The following SLC24A3 variants were observed in gnomAD, a reference collection of about 807,000 sequenced individuals.
SLC24A3 encodes solute carrier family 24 member 3.
A neutral mutation model predicts 75.8 loss-of-function variants in SLC24A3; 28 were observed. That is an observed-to-expected ratio of 0.37 (90% confidence interval 0.27 to 0.51). The LOEUF is 0.51. Among genes scored for constraint, SLC24A3 ranks in the 20% least tolerant of loss-of-function variants. The pLI is 0.94. For missense variants in SLC24A3, 663 were observed against 847.8 expected (o/e 0.78, Z 2.71); for synonymous variants, 372 against 334.1 (o/e 1.11, Z -1.24).
intron 3 of SLC24A3, among the ~76,000 whole-genome samples, chr20:19,544,490 G>C (rs577535814): frequency 6.6e-6 from 1 of 152,182 alleles, no homozygotes; most frequent in Admixed American, 6.5e-5. Context: ...TAGCGCTTGT[G>C]TACAGATGTG....
intron 2 of SLC24A3, among the ~76,000 whole-genome samples, chr20:19,338,570 C>T (rs1985192230): frequency 6.6e-6 from 1 of 152,198 alleles, no homozygotes; most frequent in African/African-American, 2.4e-5. Context: ...CATATGATCA[C>T]AATGCCTGTT....
chr20:19,652,266 T>C (rs2032214829), intron 6 of SLC24A3, among the ~76,000 whole-genome samples: 1 of 152,262 alleles, frequency 6.6e-6, no homozygotes, highest in South Asian at 2.1e-4. Context: ...TAATGGTATG[T>C]ACTCAATCTG....
At chr20:19,501,898 C>T (rs1486145370) in intron 2 of SLC24A3, among the ~76,000 whole-genome samples, 1 of 152,044 alleles carries the variant, frequency 6.6e-6, no homozygotes, top group Non-Finnish European at 1.5e-5. Flanking sequence ...TGTTATTTAC[C>T]ACCAGGCCAC....
intron 1 of SLC24A3, among the ~76,000 whole-genome samples, chr20:19,224,161 TACAC>T (rs773073939): frequency 6.6e-6 from 1 of 151,748 alleles, no homozygotes; most frequent in South Asian, 2.1e-4. Flanking sequence ...AGTATTGAGT[TACAC>T]ACAGTTTTAT....
intron 2 of SLC24A3, among the ~76,000 whole-genome samples, chr20:19,305,044 G>A (rs760580017): frequency 2.0e-5 from 3 of 152,204 alleles, no homozygotes; most frequent in East Asian, 1.9e-4. Context: ...GGATATGAGC[G>A]GCTCCCCATG....
chr20:19,386,475 G>A (rs925542853), intron 2 of SLC24A3, among the ~76,000 whole-genome samples: 20 of 152,118 alleles, frequency 1.3e-4, no homozygotes, highest in African/African-American at 4.3e-4. Flanking sequence ...GTGAGAGTGG[G>A]CATCCTTGCC....
chr20:19,607,879 A>G (rs571605619), intron 6 of SLC24A3, among the ~76,000 whole-genome samples: 2 of 152,334 alleles, frequency 1.3e-5, no homozygotes, highest in Admixed American at 6.5e-5. Context: ...GTCACATCCC[A>G]GTAGCCCTTT....
intron 6 of SLC24A3, among the ~76,000 whole-genome samples, chr20:19,618,383 C>T (rs763008124): frequency 3.3e-5 from 5 of 152,192 alleles, no homozygotes; most frequent in East Asian, 3.8e-4. Flanking sequence ...TTGCAGGTGC[C>T]GTCTTCCCCC....
intron 10 of SLC24A3, among the ~76,000 whole-genome samples, chr20:19,682,580 G>C (rs532015497): frequency 6.6e-6 from 1 of 152,228 alleles, no homozygotes; most frequent in Admixed American, 6.5e-5. Flanking sequence ...TTCTGAGATA[G>C]GGTTTTGGTT....
intron 1 of SLC24A3, among the ~76,000 whole-genome samples, chr20:19,235,169 G>C (rs1445394167): frequency 1.3e-5 from 2 of 152,226 alleles, no homozygotes; most frequent in Non-Finnish European, 2.9e-5. Context: ...TGGGATGTCT[G>C]CTTTTGTTTG....
chr20:19,682,156 G>A (rs939474092), intron 10 of SLC24A3, among the ~76,000 whole-genome samples, 165 bp downstream of exon 10: 1 of 152,186 alleles, frequency 6.6e-6, no homozygotes, highest in Non-Finnish European at 1.5e-5. Context: ...ATGGGAGGCC[G>A]AGGCATGAGA....
intron 1 of SLC24A3, chr20:19,244,141 C>G (rs1982414596): frequency 1.3e-5 from 2 of 152,146 alleles, no homozygotes; most frequent in Non-Finnish European, 2.9e-5. Flanking sequence ...ATTGTCAAGC[C>G]ATAATCCAGG....
At chr20:19,633,361 C>T (rs1237859632) in intron 6 of SLC24A3, among the ~76,000 whole-genome samples, 3 of 152,044 alleles carry the variant, frequency 2.0e-5, no homozygotes, top group African/African-American at 7.2e-5. Flanking sequence ...ATAAGAATGC[C>T]AGTCGTGGCC....
At chr20:19,241,576 G>A (rs1446335668) in intron 1 of SLC24A3, among the ~76,000 whole-genome samples, 1 of 152,248 alleles carries the variant, frequency 6.6e-6, no homozygotes, top group Non-Finnish European at 1.5e-5. Flanking sequence ...AAATTGAAAA[G>A]TACTTGTAAG....
intron 2 of SLC24A3, among the ~76,000 whole-genome samples, chr20:19,346,399 A>G (rs907614026): frequency 2.9e-4 from 42 of 142,838 alleles, no homozygotes; most frequent in African/African-American, 1.0e-3. Context: ...TATATGGTGT[A>G]TATATATGGT....
chr20:19,252,646 G>GC (rs1982697020), intron 1 of SLC24A3, among the ~76,000 whole-genome samples: 1 of 148,990 alleles, frequency 6.7e-6, no homozygotes, highest in African/African-American at 2.5e-5. Context: ...GGAATGGCGG[G>GC]GGGGGGTGCC....
intron 2 of SLC24A3, among the ~76,000 whole-genome samples, chr20:19,439,539 A>G (rs1010846180): frequency 2.0e-5 from 3 of 152,214 alleles, no homozygotes; most frequent in African/African-American, 7.2e-5. Flanking sequence ...CTCCATACAA[A>G]TTTTGTTAGC....
chr20:19,670,474 C>G (rs1309978333), intron 8 of SLC24A3, among the ~76,000 whole-genome samples: 2 of 152,122 alleles, frequency 1.3e-5, no homozygotes, highest in Non-Finnish European at 2.9e-5. Context: ...AACAGAAGGG[C>G]TTTTGATGAG....
At chr20:19,299,188 G>A (rs1419913037) in intron 2 of SLC24A3, among the ~76,000 whole-genome samples, 1 of 142,946 alleles carries the variant, frequency 7.0e-6, no homozygotes, top group African/African-American at 2.7e-5. Flanking sequence ...GTGTGTGTGT[G>A]TGTGTGTGTA....
Sources: gnomAD v4.1 joint callset for allele counts (sites outside exome capture counted in the v4.1 genomes callset) on GRCh38, gnomAD v4.1.1 for gene constraint, MANE v1.5 for transcripts, NCBI Gene and HGNC (gene_info 2026-07-23, HGNC 2026-07-21) for gene names.